The following OR1R1 variants were observed in gnomAD, a reference collection of about 807,000 sequenced individuals.
OR1R1 encodes the protein olfactory receptor family 1 subfamily R member 1, also known as olfactory receptor 1R1.
the OR1R1 span, chr17:3,386,318 T>A: frequency 2.5e-6 from 1 of 398,248 alleles, no homozygotes; most frequent in Non-Finnish European, 4.4e-6. Context: ...TGCCGGCCCC[T>A]GCGCTACGGC....
chr17:3,386,165 C>G, the OR1R1 span: 2 of 398,822 alleles, frequency 5.0e-6, no homozygotes, highest in African/African-American at 4.1e-5. Context: ...GTCACGGTCC[C>G]CAGGCTGCTG....
chr17:3,386,726 A>G, the OR1R1 span: 5 of 398,094 alleles, frequency 1.3e-5, no homozygotes, highest in South Asian at 3.8e-4. Context: ...TCGTCTGCCT[A>G]CTCAGCCCGC....
At chr17:3,386,466 C>T in the OR1R1 span, 9 of 398,428 alleles carry the variant, frequency 2.3e-5, no homozygotes, top group East Asian at 3.2e-4. Context: ...CCTTCTTTTG[C>T]GACATGACGG....
chr17:3,386,545 G>C, the OR1R1 span: 1 of 398,434 alleles, frequency 2.5e-6, no homozygotes. Flanking sequence ...GGGCCTGGCC[G>C]TGGTGTTGGC....
chr17:3,386,275 G>C, the OR1R1 span: 1 of 398,522 alleles, frequency 2.5e-6, no homozygotes, highest in Non-Finnish European at 4.4e-6. Context: ...CTACCTCCTG[G>C]CGGCCATGTC....
the OR1R1 span, chr17:3,386,655 C>T: frequency 2.7e-6 from 1 of 371,954 alleles, no homozygotes; most frequent in South Asian, 1.5e-4. Context: ...GCGGGGCCCA[C>T]CTAGTGGCGG....
At chr17:3,385,960 G>A in the OR1R1 span, 3 of 397,280 alleles carry the variant, frequency 7.6e-6, no homozygotes, top group African/African-American at 2.1e-5. Flanking sequence ...ATCTGCCCCC[G>A]TGTTCCTCCT....
the OR1R1 span, chr17:3,386,643 C>T: frequency 2.5e-6 from 1 of 396,900 alleles, no homozygotes; most frequent in Non-Finnish European, 4.4e-6. Context: ...CCTTCTCCAC[C>T]TGCGGGGCCC....
chr17:3,386,418 C>G, the OR1R1 span: 5 of 398,590 alleles, frequency 1.3e-5, no homozygotes, highest in Non-Finnish European at 2.2e-5. Flanking sequence ...CGCTGCTCCT[C>G]TCCGCGCTCT....
chr17:3,386,581 C>T, the OR1R1 span: 5 of 398,470 alleles, frequency 1.3e-5, no homozygotes, highest in Admixed American at 8.8e-5. Flanking sequence ...GTTCCTTTTC[C>T]TACGCGCGCA....
the OR1R1 span, chr17:3,386,331 G>T: frequency 1.3e-5 from 5 of 398,292 alleles, no homozygotes; most frequent in Non-Finnish European, 2.2e-5. Context: ...GCTACGGCGC[G>T]CTGGTGACGC....
chr17:3,386,189 A>C, the OR1R1 span: 1 of 397,984 alleles, frequency 2.5e-6, no homozygotes, highest in African/African-American at 2.1e-5. Context: ...GGCCTGCTCC[A>C]CCCGGGCCAG....
At chr17:3,386,739 C>G in the OR1R1 span, 3 of 398,572 alleles carry the variant, frequency 7.5e-6, no homozygotes, top group Non-Finnish European at 1.3e-5. Context: ...CAGCCCGCTA[C>G]GACCGCCTGG....
At chr17:3,386,853 G>A in the OR1R1 span, 5 of 398,614 alleles carry the variant, frequency 1.3e-5, no homozygotes, top group Non-Finnish European at 2.2e-5. Flanking sequence ...TCAGATGGAG[G>A]GCTGCACCCC....
At chr17:3,386,865 A>G in the OR1R1 span, 3 of 398,412 alleles carry the variant, frequency 7.5e-6, no homozygotes, top group Admixed American at 4.4e-5. Flanking sequence ...CTGCACCCCA[A>G]GAGGCGTGAG....
At chr17:3,386,249 T>C in the OR1R1 span, 2 of 398,594 alleles carry the variant, frequency 5.0e-6, no homozygotes, top group East Asian at 3.6e-5. Flanking sequence ...TTCGTGGCTC[T>C]GGGCATCACC....
Sources: gnomAD v4.1 joint callset for allele counts on GRCh38, gnomAD v4.1.1 for gene constraint, MANE v1.5 for transcripts, NCBI Gene and HGNC (gene_info 2026-07-23, HGNC 2026-07-21) for gene names.